The following NRG3 variants were observed in gnomAD, a reference collection of about 807,000 sequenced individuals.
NRG3 encodes neuregulin 3, also known as pro-neuregulin-3, membrane-bound isoform.
A neutral mutation model predicts 66.9 loss-of-function variants in NRG3; 31 were observed. The observed-to-expected ratio is 0.46, with a 90% CI of 0.35 to 0.63. NRG3 has a LOEUF of 0.63. NRG3 is among the 20% of genes least tolerant of loss of function. NRG3 has a pLI of 0.00. For synonymous variants in NRG3, 393 were observed against 359.4 expected (o/e 1.09, Z -1.06); for missense variants, 910 against 878.9 (o/e 1.04, Z -0.45).
intron 1 of NRG3, among the ~76,000 whole-genome samples, chr10:81,940,869 A>G (rs1848348771): frequency 6.6e-6 from 1 of 152,112 alleles, no homozygotes; most frequent in Non-Finnish European, 1.5e-5. Flanking sequence ...TGTATATCCT[A>G]TCACATCTTG....
chr10:81,973,447 T>C (rs921002023), intron 1 of NRG3, among the ~76,000 whole-genome samples: 1 of 152,214 alleles, frequency 6.6e-6, no homozygotes, highest in Non-Finnish European at 1.5e-5. Flanking sequence ...TTGGGTCAAA[T>C]AATATTTCTG....
chr10:81,894,626 T>C lies in NRG3; in HGVS notation c.823+18463T>C, dbSNP rs1352304728. 3.3e-5 allele frequency among the ~76,000 whole-genome samples: 5 copies of C among 152,258 alleles called. No homozygotes were observed. In the East Asian group the frequency reaches 7.7e-4, roughly 24 times the overall value. On this transcript the variant is annotated intron_variant, in intron 1 of 8. Transcript: ENST00000372141. ...ATAGGAGCAGAAACACACGCACTAA[T>C]CAAACATAAAATAATTTAAAACAGT...
At chr10:82,655,199 C>G (rs2051743498) in intron 2 of NRG3, among the ~76,000 whole-genome samples, 1 of 151,766 alleles carries the variant, frequency 6.6e-6, no homozygotes, top group Non-Finnish European at 1.5e-5. Flanking sequence ...GATTTGTATA[C>G]TTTCTTAATG....
At chr10:82,168,206 C>T (rs534042535) in intron 1 of NRG3, among the ~76,000 whole-genome samples, 2 of 152,036 alleles carry the variant, frequency 1.3e-5, no homozygotes, top group Non-Finnish European at 1.5e-5. Context: ...CATGTAGGAT[C>T]GTTCCCCTAA....
At chr10:82,533,014 G>A (rs561640446) in intron 2 of NRG3, among the ~76,000 whole-genome samples, 9 of 148,890 alleles carry the variant, frequency 6.0e-5, no homozygotes, top group Non-Finnish European at 1.3e-4. Context: ...ATGACATTTC[G>A]CTGTGTTTTT....
chr10:82,644,657 G>T (rs192741854), intron 2 of NRG3, among the ~76,000 whole-genome samples: 1 of 152,236 alleles, frequency 6.6e-6, no homozygotes, highest in African/African-American at 2.4e-5. Flanking sequence ...TTTTTCTTCA[G>T]TAGGAGAGCA....
intron 2 of NRG3, among the ~76,000 whole-genome samples, chr10:82,719,474 G>A (rs957577752): frequency 9.2e-5 from 14 of 152,122 alleles, no homozygotes; most frequent in African/African-American, 3.4e-4. Flanking sequence ...CTTCTATTCT[G>A]TTCCCTATTT....
At chr10:81,966,831 G>A (rs2059747915) in intron 1 of NRG3, among the ~76,000 whole-genome samples, 1 of 151,982 alleles carries the variant, frequency 6.6e-6, no homozygotes, top group Non-Finnish European at 1.5e-5. Context: ...TAGATCATTA[G>A]TTGTATGAAA....
chr10:82,358,980 G>A lies in NRG3; in HGVS notation c.953+112G>A, dbSNP rs112755047. On this transcript the variant is annotated intron_variant, in intron 2 of 8. Transcript: ENST00000372141. ...TATCCGGGATACACACAGTCCCACC[G>A]TTTGAATAGCAGAATTGCGAGTCTT... is the stretch of plus-strand genomic sequence containing the variant. 309 of 1,426,920 alleles carry A rather than the reference G, an allele frequency of 2.2e-4. 1 individual carries two copies. The African/African-American group carries it at 3.6e-3, about 17-fold the overall frequency. 88.4% of individuals were successfully genotyped at this position (1,426,920 alleles called of 1,614,324 possible).
At chr10:82,180,822 G>T (rs1212839295) in intron 1 of NRG3, among the ~76,000 whole-genome samples, 1 of 151,834 alleles carries the variant, frequency 6.6e-6, no homozygotes, top group East Asian at 1.9e-4. Flanking sequence ...AAGAACTGTT[G>T]TTAATTCCTC....
At chr10:82,458,513 G>C (rs1265556385) in intron 2 of NRG3, among the ~76,000 whole-genome samples, 1 of 152,078 alleles carries the variant, frequency 6.6e-6, no homozygotes, top group Non-Finnish European at 1.5e-5. Context: ...AGTCATTAAG[G>C]GGCCGGCTTC....
intron 1 of NRG3, among the ~76,000 whole-genome samples, chr10:82,167,238 A>T (rs1440539322): frequency 6.6e-6 from 1 of 151,842 alleles, no homozygotes; most frequent in African/African-American, 2.4e-5. Context: ...GGGAGATTTT[A>T]TTATTATTCA....
At chr10:82,036,308 A>T (rs1239238835) in intron 1 of NRG3, among the ~76,000 whole-genome samples, 8 of 152,268 alleles carry the variant, frequency 5.3e-5, no homozygotes, top group Non-Finnish European at 1.0e-4. Flanking sequence ...GATGAAGGGG[A>T]GGCCATTAAA....
chr10:82,108,474 G>C (rs973534309), intron 1 of NRG3, among the ~76,000 whole-genome samples: 4 of 152,138 alleles, frequency 2.6e-5, no homozygotes, highest in Non-Finnish European at 5.9e-5. Context: ...AGGATGCATG[G>C]ATGCCTGTCT....
chr10:82,303,538 CACTT>C (rs2080534509), intron 1 of NRG3, among the ~76,000 whole-genome samples: 1 of 152,064 alleles, frequency 6.6e-6, no homozygotes, highest in Non-Finnish European at 1.5e-5. Flanking sequence ...ATTAGAAAAA[CACTT>C]AAACACTGTT....
intron 4 of NRG3, among the ~76,000 whole-genome samples, chr10:82,907,105 C>T (rs1486404931): frequency 6.6e-6 from 1 of 152,100 alleles, no homozygotes; most frequent in Non-Finnish European, 1.5e-5. Context: ...TGTTCTTTAT[C>T]CCATCGCTAA....
chr10:82,499,461 C>T, intron 2 of NRG3, among the ~76,000 whole-genome samples: 1 of 151,972 alleles, frequency 6.6e-6, no homozygotes. Flanking sequence ...TGTTCTTGAC[C>T]TTGCCTTGCT....
In NRG3 at chr10:82,447,265, T is replaced by C. The variant is rs142939194; in HGVS notation, c.953+88397T>C. ...AATGTTCTTCTATTTGAATTTAAGC[T>C]TATAGGCCACGGAGTGCAGGCAACC... On this transcript the variant is annotated intron_variant, in intron 2 of 8. Coordinates refer to ENST00000372141, the MANE Select transcript of NRG3 (RefSeq NM_001010848.4). 6.6e-5 allele frequency among the ~76,000 whole-genome samples: 10 copies of C among 152,234 alleles called. No individual in the cohort carries two copies. The East Asian group carries it at 1.9e-3, about 30-fold the overall frequency.
chr10:82,901,250 G>A (rs1056679209), intron 4 of NRG3, among the ~76,000 whole-genome samples: 3 of 151,890 alleles, frequency 2.0e-5, no homozygotes, highest in Admixed American at 6.6e-5. Flanking sequence ...TCTTTCAACC[G>A]TGTTTTAAAT....
Sources: gnomAD v4.1 joint callset for allele counts (sites outside exome capture counted in the v4.1 genomes callset) on GRCh38, gnomAD v4.1.1 for gene constraint, MANE v1.5 for transcripts, NCBI Gene and HGNC (gene_info 2026-07-23, HGNC 2026-07-21) for gene names.